MED14: variants seen among roughly 807,000 people sequenced by gnomAD.
The protein encoded by MED14 is mediator of RNA polymerase II transcription subunit 14.
Under a neutral mutation model 109.0 loss-of-function variants are expected in MED14, and 8 were observed. That is an observed-to-expected ratio of 0.07 (90% CI 0.04 to 0.13). The LOEUF is 0.13. Ranked by LOEUF, MED14 falls within the 10% of genes least tolerant of loss-of-function variation. MED14 has a pLI of 1.00. For synonymous variants in MED14, 399 were observed against 408.7 expected (o/e 0.98, Z 0.29); for missense variants, 711 against 1,142.4 (o/e 0.62, Z 5.44).
Position 40,712,973 on chromosome X carries a change from G to A in MED14, c.722C>T (p.Pro241Leu), listed in dbSNP as rs1405937905. ...CTTGAGAAGACGCCATGGAACATCA[G>A]GGTCATCTCCCATCACAGTCAAGGT... ...EATLTVMGDDPDVPWRLLKLE... is the reference protein window; with the variant it reads ...EATLTVMGDDLDVPWRLLKLE... The change falls in exon 6 of 31, where the codon CCT (proline) becomes CTT (leucine). Residue 241 changes from proline to leucine, a missense_variant. Around this residue, in one of 8 missense-constraint regions of MED14, gnomAD observed 388 missense variants for 517.3 expected, o/e 0.75. Transcript: ENST00000324817. 2.5e-6 allele frequency: 3 copies of A among 1,190,388 alleles called. No homozygotes were observed. The highest frequency in any genetic ancestry group is 4.4e-5 in the Admixed American group (2 of 45,581).
Position 40,675,259 on chromosome X carries a change from A to C in MED14, c.2983T>G (p.Ser995Ala), listed in dbSNP as rs139170042. The C allele has an allele frequency of 1.8e-5, 22 of 1,192,793 alleles. 1 individual carries two copies. The highest frequency in any genetic ancestry group is 2.4e-5 in the Non-Finnish European group (21 of 887,980). Residue 995 changes from serine (S) to alanine (A), a missense_variant, in exon 22 of 31, where the codon TCT becomes GCT. Physicochemically the swap from Ser to Ala is moderately conservative, Grantham distance 99. This residue lies in a region of MED14 where 100 missense variants were observed against 147.5 expected (regional missense o/e 0.68). Coordinates refer to ENST00000324817, the MANE Select transcript of MED14 (RefSeq NM_004229.4). ...PSPIGGDMMD[S>A]LISQLQPPPQ... is the part of the protein sequence containing the mutation. The stretch of plus-strand genomic sequence containing the variant: ...GGTGGCTGGAGCTGCGATATTAAAG[A>C]ATCCATCATATCTCCTCCTATAGGA...
rs914140732 is a variant in MED14, at chrX:40,650,045, G to A, written c.*1761C>T. ...TCCTGCAGATAAAAATACATTTCTTGTATATACATGTAGATTTCTACATGA... is the reference window on the plus strand; with the variant it reads ...TCCTGCAGATAAAAATACATTTCTTATATATACATGTAGATTTCTACATGA... On this transcript the variant is annotated 3_prime_UTR_variant, in exon 31 of 31. Transcript: ENST00000324817. 5 of 742,701 alleles carry A rather than the reference G, an allele frequency of 6.7e-6. No individual in the cohort carries two copies. The African/African-American group carries it at 9.3e-5, about 14-fold the overall frequency. 61.2% of individuals were successfully genotyped at this position (742,701 alleles called of 1,213,427 possible).
intron 29 of MED14, among the ~76,000 whole-genome samples, 189 bp from the exon 30 acceptor site, chrX:40,654,745 TG>T (rs757415286): frequency 8.9e-6 from 1 of 112,478 alleles, no homozygotes; most frequent in East Asian, 2.8e-4. Flanking sequence ...CACAATTACC[TG>T]GTTCAATAAA....
At position 40,648,903 on chromosome X, in the gene MED14, C is replaced by T. The variant is rs929759945; in HGVS notation, c.*2903G>A. The T allele has an allele frequency of 2.7e-5, 3 of 111,546 alleles. No homozygotes were observed. The highest frequency in any genetic ancestry group is 9.8e-5 in the African/African-American group (3 of 30,578). The allele number at this position is 111,546 out of a possible 1,213,427, so 9.2% of individuals were successfully genotyped here. On this transcript the variant is annotated 3_prime_UTR_variant, in exon 31 of 31. Coordinates refer to ENST00000324817, the MANE Select transcript of MED14 (RefSeq NM_004229.4). Reference sequence around the variant, plus strand: ...AAATCACATCCTTAGACACACTGTCCATTCTCAAACCGAATGAAAAAAAAA... The same window carrying T: ...AAATCACATCCTTAGACACACTGTCTATTCTCAAACCGAATGAAAAAAAAA...
At chrX:40,701,132 A>G in intron 12 of MED14, 33 bp downstream of exon 12, 1 of 1,036,608 alleles carries the variant, frequency 9.6e-7, no homozygotes, top group Non-Finnish European at 1.3e-6. Flanking sequence ...ATAAGTTTCC[A>G]TTTTTAGTCT....
intron 28 of MED14, among the ~76,000 whole-genome samples, chrX:40,657,494 T>C (rs1254646601): frequency 1.8e-5 from 2 of 111,334 alleles, no homozygotes; most frequent in African/African-American, 6.5e-5. Context: ...GAGAAACGCA[T>C]GGAATAGATT....
Position 40,681,701 on chromosome X carries a change from A to G in MED14, c.2457+151T>C, listed in dbSNP as rs924060869. On this transcript the variant is annotated intron_variant, in intron 19 of 30. Transcript: ENST00000324817. The stretch of plus-strand genomic sequence containing the variant: ...AAAGAGTTAAGCATTATAGTATACT[A>G]TATTTATAGCCACAAAGCATTTAAA... The G allele has an allele frequency of 5.8e-5, 22 of 379,946 alleles. No homozygotes were observed. In the East Asian group the frequency reaches 9.0e-4, roughly 16 times the overall value. 31.3% of individuals were successfully genotyped at this position (379,946 alleles called of 1,213,427 possible).
chrX:40,695,269 A>G (rs1270010901), intron 13 of MED14, among the ~76,000 whole-genome samples: 1 of 112,209 alleles, frequency 8.9e-6, no homozygotes, highest in Non-Finnish European at 1.9e-5. Flanking sequence ...TCATGCTAAA[A>G]AGTCTGTATT....
At chrX:40,691,174 T>C (rs1027067873) in intron 15 of MED14, among the ~76,000 whole-genome samples, 8 of 112,483 alleles carry the variant, frequency 7.1e-5, no homozygotes, top group African/African-American at 2.3e-4. Flanking sequence ...GAGGATTATA[T>C]TGGATATCAC....
chrX:40,735,925 G>C (rs559871460), upstream of MED14: 972 of 249,705 alleles, frequency 3.9e-3, 3 homozygotes, highest in Middle Eastern at 0.019. Flanking sequence ...GGGCTGAGCC[G>C]GAGTCGTCAC....
At chrX:40,717,760 T>C (rs1025009576) in intron 3 of MED14, among the ~76,000 whole-genome samples, 11 of 111,716 alleles carry the variant, frequency 9.8e-5, no homozygotes, top group Non-Finnish European at 1.3e-4. Flanking sequence ...TGACCTCAGG[T>C]GATCCACCCG....
chrX:40,713,939 T>C (rs767764831), intron 4 of MED14, 32 bp from the exon 5 acceptor site: 1 of 1,184,468 alleles, frequency 8.4e-7, no homozygotes, highest in South Asian at 1.8e-5. Context: ...TTTTAAATAA[T>C]GTACAAACGG....
At chrX:40,707,589 ATT>A (rs1156977246) in intron 10 of MED14, among the ~76,000 whole-genome samples, 1 of 112,667 alleles carries the variant, frequency 8.9e-6, no homozygotes, top group Non-Finnish European at 1.9e-5. Flanking sequence ...ACAATGGATT[ATT>A]TGACAATAAA....
Position 40,665,607 on chromosome X carries a change from AC to A in MED14, c.3265+1112del, listed in dbSNP as rs1160731235. Among the ~76,000 whole-genome samples the A allele has an allele frequency of 6.2e-5, 7 of 112,501 alleles. No homozygotes were observed. In the Admixed American group the frequency reaches 6.6e-4, roughly 11 times the overall value. On this transcript the variant is annotated intron_variant, in intron 24 of 30. Transcript: ENST00000324817. ...CAATTTTCTTCACTAATAAAGAAAT[AC>A]ATTAAACAGTAAGATACCATTTTTC... is the stretch of plus-strand genomic sequence containing the variant.
chrX:40,707,358 G>C (rs1931190354), intron 10 of MED14, among the ~76,000 whole-genome samples: 1 of 112,007 alleles, frequency 8.9e-6, no homozygotes. Flanking sequence ...CCACATTGCT[G>C]GTTAGATTGT....
In MED14 at chrX:40,682,743, G is replaced by A. The variant is rs749668208; in HGVS notation, c.2225C>T (p.Ser742Phe). The part of the protein sequence containing the change: ...NGTSTREQGP[S>F]RHVYLTYENL... ...TTCATATGTCAGGTAAACGTGCCGG[G>A]ATGGTCCTACAGGATTAAAAGAGAA... is the stretch of plus-strand genomic sequence containing the variant. The change falls in exon 18 of 31, where the codon TCC becomes TTC. Residue 742 changes from serine to phenylalanine, a missense_variant. By Grantham distance (155) the Ser-to-Phe change is radical (BLOSUM62 -2). Coordinates refer to ENST00000324817, the MANE Select transcript of MED14 (RefSeq NM_004229.4). 8.3e-7 allele frequency: 1 copy of A among 1,207,774 alleles called. No individual in the cohort carries two copies. The highest frequency in any genetic ancestry group is 1.1e-6 in the Non-Finnish European group (1 of 892,793).
In MED14 at chrX:40,729,771, T is replaced by C. The variant is rs1451261869; in HGVS notation, c.216-426A>G. 4.5e-5 allele frequency among the ~76,000 whole-genome samples: 5 copies of C among 112,229 alleles called. No individual in the cohort carries two copies. The East Asian group carries it at 1.4e-3, about 31-fold the overall frequency. ...GCAATAATCCCTCCACATTGTGTTATGGTGGACAAAACTGGAAGCTAAGCA... is the reference window on the plus strand; with the variant it reads ...GCAATAATCCCTCCACATTGTGTTACGGTGGACAAAACTGGAAGCTAAGCA... On this transcript the variant is annotated intron_variant, in intron 1 of 30. Transcript: ENST00000324817.
chrX:40,733,363 A>AT (rs1162658708), intron 1 of MED14, among the ~76,000 whole-genome samples: 1 of 111,469 alleles, frequency 9.0e-6, no homozygotes, highest in Non-Finnish European at 1.9e-5. Flanking sequence ...TCAGCCTCCC[A>AT]AAGTGCTGGG....
chrX:40,689,606 G>A (rs1237560254), intron 15 of MED14, among the ~76,000 whole-genome samples: 3 of 109,526 alleles, frequency 2.7e-5, no homozygotes, highest in Non-Finnish European at 5.7e-5. Flanking sequence ...CAGGAGAATC[G>A]CTTGAATCAG....
Sources: gnomAD v4.1 joint callset for allele counts (sites outside exome capture counted in the v4.1 genomes callset) on GRCh38, gnomAD v4.1.1 for gene constraint, gnomAD v4.1.1 regional missense constraint, MANE v1.5 for transcripts, NCBI Gene and HGNC (gene_info 2026-07-23, HGNC 2026-07-21) for gene names.